The following ATP1B1 variants were observed in gnomAD, a reference collection of about 807,000 sequenced individuals.
ATP1B1 encodes the protein sodium/potassium-transporting ATPase subunit beta-1.
In ATP1B1, 3 loss-of-function variants were observed where a neutral mutation model predicts 39.6. That is an observed-to-expected ratio of 0.08 (90% CI 0.03 to 0.20). The LOEUF (loss-of-function observed/expected upper bound fraction) is 0.20. ATP1B1 is among the 10% of genes least tolerant of loss of function. The pLI, the probability that ATP1B1 is intolerant of heterozygous loss-of-function variation, is 1.00. For synonymous variants in ATP1B1, 139 were observed against 135.0 expected (o/e 1.03, Z -0.20); for missense variants, 216 against 371.1 (o/e 0.58, Z 3.43).
intron 1 of ATP1B1, 119 bp from the exon 2 acceptor site, chr1:169,111,245 TGGACAA>T: frequency 7.4e-7 from 1 of 1,347,458 alleles, no homozygotes; most frequent in Non-Finnish European, 1.0e-6. Context: ...CTCTTGACGT[TGGACAA>T]GGAAGAAATC....
chr1:169,119,235 T>C (rs1439888375), intron 2 of ATP1B1, among the ~76,000 whole-genome samples: 1 of 152,170 alleles, frequency 6.6e-6, no homozygotes, highest in Non-Finnish European at 1.5e-5. Context: ...GAAAACCAAA[T>C]ATTAAAATTT....
At chr1:169,121,865 G>A (rs1657986203) in intron 2 of ATP1B1, among the ~76,000 whole-genome samples, 1 of 152,126 alleles carries the variant, frequency 6.6e-6, no homozygotes, top group South Asian at 2.1e-4. Context: ...ACCACAGCTT[G>A]CATAATTGTT....
chr1:169,129,810 T>C (rs1658166526), intron 4 of ATP1B1, among the ~76,000 whole-genome samples, 200 bp from the exon 5 acceptor site: 1 of 152,244 alleles, frequency 6.6e-6, no homozygotes, highest in Non-Finnish European at 1.5e-5. Flanking sequence ...CTTGGGCACT[T>C]ATTTTCATTT....
chr1:169,110,636 A>G, intron 1 of ATP1B1: 2 of 1,263,806 alleles, frequency 1.6e-6, no homozygotes, highest in Non-Finnish European at 2.0e-6. Flanking sequence ...TAACTATGGG[A>G]AAAAGAAAAT....
chr1:169,129,562 T>C (rs1333044090), intron 4 of ATP1B1, among the ~76,000 whole-genome samples: 1 of 152,228 alleles, frequency 6.6e-6, no homozygotes, highest in Non-Finnish European at 1.5e-5. Context: ...CTACTTGAAG[T>C]CATGCTTGAG....
chr1:169,124,213 G>A (rs968932873), intron 2 of ATP1B1, among the ~76,000 whole-genome samples: 2 of 152,132 alleles, frequency 1.3e-5, no homozygotes, highest in African/African-American at 4.8e-5. Context: ...CAAACCCAAG[G>A]CATACGGACT....
chr1:169,109,730 C>T (rs772254527), intron 1 of ATP1B1, among the ~76,000 whole-genome samples: 13 of 142,370 alleles, frequency 9.1e-5, no homozygotes, highest in Admixed American at 2.3e-4. Context: ...TTCAGTTGTT[C>T]GAAGGGGCAC....
rs752333549 is a variant in ATP1B1 at position 169,131,483 on chromosome 1, T to C, written c.840T>C (p.Gly280=). ...TEIRIECKAY[G]ENIGYSEKDR... Reference sequence around the variant, plus strand: ...TTCGCATAGAGTGTAAGGCGTACGGTGAGAACATTGGGTACAGTGAGAAAG... The same window carrying C: ...TTCGCATAGAGTGTAAGGCGTACGGCGAGAACATTGGGTACAGTGAGAAAG... Residue 280 remains glycine (G), a synonymous_variant, in exon 6 of 6, where the codon GGT becomes GGC. Coordinates refer to ENST00000367815, the MANE Select transcript of ATP1B1 (RefSeq NM_001677.4). This position sits in a 1 kb window ranked among gnomAD's most constrained non-coding sequence, Gnocchi z 4.4. The C allele has an allele frequency of 2.8e-5, 45 of 1,613,952 alleles. No homozygotes were observed. Among genetic ancestry groups the C allele is most frequent in the Non-Finnish European group, 5.9e-6 (7 of 1,180,008 alleles).
At chr1:169,119,648 T>C (rs1657930646) in intron 2 of ATP1B1, among the ~76,000 whole-genome samples, 1 of 152,136 alleles carries the variant, frequency 6.6e-6, no homozygotes, top group African/African-American at 2.4e-5. Context: ...GAGAATGTCA[T>C]GGTTGGAGAA....
chr1:169,131,761 C>A lies in ATP1B1; in HGVS notation c.*206C>A. The A allele has an allele frequency of 4.5e-6, 3 of 668,404 alleles. No individual in the cohort carries two copies. The highest frequency in any genetic ancestry group is 4.8e-5 in the South Asian group (2 of 41,358). The allele number at this position is 668,404 out of a possible 1,614,324, so 41.4% of individuals were successfully genotyped here. Reference sequence around the variant, plus strand: ...AAAATATTTATTCTACTGTAAATGACAAAAGAAAAAGAAAAATTGAGCCTT... The same window carrying A: ...AAAATATTTATTCTACTGTAAATGAAAAAAGAAAAAGAAAAATTGAGCCTT... On this transcript the variant is annotated 3_prime_UTR_variant, in exon 6 of 6. Coordinates refer to ENST00000367815, the MANE Select transcript of ATP1B1 (RefSeq NM_001677.4). This position sits in a 1 kb window ranked among gnomAD's most constrained non-coding sequence, Gnocchi z 4.4.
intron 2 of ATP1B1, among the ~76,000 whole-genome samples, chr1:169,122,469 T>C (rs1043412627): frequency 6.6e-6 from 1 of 152,230 alleles, no homozygotes; most frequent in Non-Finnish European, 1.5e-5. Flanking sequence ...AGGTATCTCT[T>C]CTCTTTACAA....
In ATP1B1 at chr1:169,131,259, G is replaced by A. The variant is rs377115373; in HGVS notation, c.649-33G>A. The stretch of plus-strand genomic sequence containing the variant: ...GTACACATAGTGATGCATGATGTGA[G>A]CCATTAAAATTTCATTTCATTCTGG... On this transcript the variant is annotated intron_variant, in intron 5 of 5. Coordinates refer to ENST00000367815, the MANE Select transcript of ATP1B1 (RefSeq NM_001677.4). This position sits in a 1 kb window ranked among gnomAD's most constrained non-coding sequence, Gnocchi z 4.4. The A allele has an allele frequency of 3.1e-6, 5 of 1,605,680 alleles. No individual in the cohort carries two copies. Among genetic ancestry groups the A allele is most frequent in the Non-Finnish European group, 4.3e-6 (5 of 1,175,474 alleles).
chr1:169,121,696 T>C (rs755980936), intron 2 of ATP1B1, among the ~76,000 whole-genome samples: 1 of 152,198 alleles, frequency 6.6e-6, no homozygotes, highest in Non-Finnish European at 1.5e-5. Context: ...CAAGGATGTT[T>C]GTGACACTTG....
At chr1:169,117,840 C>T (rs1296409293) in intron 2 of ATP1B1, among the ~76,000 whole-genome samples, 3 of 152,214 alleles carry the variant, frequency 2.0e-5, no homozygotes, top group African/African-American at 7.2e-5. Context: ...TATCATCCAG[C>T]TTTTTCCCAC....
At chr1:169,129,272 A>G (rs1658151911) in intron 4 of ATP1B1, among the ~76,000 whole-genome samples, 1 of 152,226 alleles carries the variant, frequency 6.6e-6, no homozygotes, top group Non-Finnish European at 1.5e-5. Context: ...CTGAGTAAGC[A>G]AGTGACTGTC....
chr1:169,126,043 C>T (rs926804147), intron 3 of ATP1B1, among the ~76,000 whole-genome samples: 3 of 152,328 alleles, frequency 2.0e-5, no homozygotes, highest in African/African-American at 7.2e-5. Context: ...ATCATCCCTT[C>T]TGATTCAATT....
At chr1:169,111,594 G>A (rs968195200) in intron 2 of ATP1B1, 96 bp downstream of exon 2, 1 of 1,505,910 alleles carries the variant, frequency 6.6e-7, no homozygotes. Context: ...ACTCTATAAT[G>A]TAGTCTTAAA....
chr1:169,107,003 G>A (rs1469083295), intron 1 of ATP1B1, 77 bp downstream of exon 1: 2 of 1,395,448 alleles, frequency 1.4e-6, no homozygotes, highest in Non-Finnish European at 1.9e-6. Flanking sequence ...CAGGGTCCGC[G>A]GCCGGTTCCG....
chr1:169,131,589 A>G lies in ATP1B1; in HGVS notation c.*34A>G, dbSNP rs769829944. On this transcript the variant is annotated 3_prime_UTR_variant, in exon 6 of 6. Transcript: ENST00000367815. This position sits in a 1 kb window ranked among gnomAD's most constrained non-coding sequence, Gnocchi z 4.4. ...ACAAATCTTTCCCACTAGCCATTTA[A>G]TAAGTTAAAAAAAGATACAAAAACA... is the stretch of plus-strand genomic sequence containing the variant. 4 of 1,578,762 alleles carry G rather than the reference A, an allele frequency of 2.5e-6. No individual in the cohort carries two copies. The highest frequency in any genetic ancestry group is 2.4e-5 in the South Asian group (2 of 84,650).
Sources: allele counts gnomAD v4.1 joint callset (sites outside exome capture counted in the v4.1 genomes callset), GRCh38; gene constraint gnomAD v4.1.1; non-coding constraint Gnocchi (gnomAD v3.1); transcripts MANE v1.5; gene names NCBI Gene and HGNC (gene_info 2026-07-23, HGNC 2026-07-21).